Variants in STK3 observed in about 807,000 individuals in gnomAD.
The protein encoded by STK3 is serine/threonine-protein kinase 3.
In STK3, 41 loss-of-function variants were observed where a neutral mutation model predicts 58.0. The ratio of observed to expected loss-of-function variants is 0.71; its 90% CI spans 0.55 to 0.92. STK3 has a LOEUF of 0.92. Among genes scored for constraint, STK3 ranks in the 40% least tolerant of loss-of-function variants. The probability of loss-of-function intolerance (pLI) is 0.00; values close to 1 mark genes in which losing one functional copy is unlikely to be tolerated. For synonymous variants in STK3, 170 were observed against 191.0 expected (o/e 0.89, Z 0.91); for missense variants, 479 against 602.7 (o/e 0.79, Z 2.15).
At chr8:98,855,113 A>G (rs1836621552) in intron 3 of STK3, among the ~76,000 whole-genome samples, 1 of 152,228 alleles carries the variant, frequency 6.6e-6, no homozygotes, top group South Asian at 2.1e-4. Flanking sequence ...ACTGATCTAT[A>G]GATTCAATGC....
intron 3 of STK3, among the ~76,000 whole-genome samples, chr8:98,876,226 A>G (rs573303926): frequency 2.3e-4 from 35 of 152,314 alleles, no homozygotes; most frequent in Non-Finnish European, 3.8e-4. Context: ...TTAGGAACCT[A>G]GGGCTTGAGA....
At chr8:98,388,530 C>T (rs930462362), upstream of STK3, among the ~76,000 whole-genome samples, 2 of 152,186 alleles carry the variant, frequency 1.3e-5, no homozygotes, top group African/African-American at 4.8e-5. Context: ...GAACCTGAAT[C>T]TAATCAAGCC....
At chr8:98,448,765 GT>G (rs1465983314) in intron 1 of STK3, among the ~76,000 whole-genome samples, 1 of 152,140 alleles carries the variant, frequency 6.6e-6, no homozygotes, top group Non-Finnish European at 1.5e-5. Context: ...TCACTTTTCT[GT>G]TGAGGAAACA....
intron 1 of STK3, among the ~76,000 whole-genome samples, chr8:98,813,755 T>C (rs536854603): frequency 6.6e-6 from 1 of 152,280 alleles, no homozygotes; most frequent in African/African-American, 2.4e-5. Context: ...TGCAACATAC[T>C]CCCTATCCCT....
chr8:98,619,192 C>T (rs1174654140), intron 6 of STK3, among the ~76,000 whole-genome samples: 22 of 150,276 alleles, frequency 1.5e-4, no homozygotes, highest in Non-Finnish European at 2.8e-4. Flanking sequence ...TTTGACAAAC[C>T]TGAGAAAAAC....
chr8:98,695,384 C>A (rs1460378393), intron 6 of STK3, among the ~76,000 whole-genome samples: 1 of 152,112 alleles, frequency 6.6e-6, no homozygotes, highest in Non-Finnish European at 1.5e-5. Context: ...GCTTTTGTTG[C>A]CATTGCTTTT....
At chr8:98,937,312 ACCTGGCATG>A (rs1475167029) in intron 1 of STK3, among the ~76,000 whole-genome samples, 2 of 152,156 alleles carry the variant, frequency 1.3e-5, no homozygotes, top group African/African-American at 4.8e-5. Flanking sequence ...TGGAATTATC[ACCTGGCATG>A]AAGTGAAATA....
intron 10 of STK3, among the ~76,000 whole-genome samples, chr8:98,490,121 A>G (rs1822573465): frequency 6.6e-6 from 1 of 152,220 alleles, no homozygotes; most frequent in African/African-American, 2.4e-5. Context: ...ACTTGAGGCA[A>G]GTTTCCTTAG....
At chr8:98,577,735 G>GTT (rs1422232281) in intron 8 of STK3, among the ~76,000 whole-genome samples, 1 of 152,034 alleles carries the variant, frequency 6.6e-6, no homozygotes, top group Non-Finnish European at 1.5e-5. Flanking sequence ...AATGAATCAC[G>GTT]TAACTAAGAC....
At chr8:98,905,460 T>G (rs1838857527) in intron 1 of STK3, 1 of 1,279,034 alleles carries the variant, frequency 7.8e-7, no homozygotes, top group East Asian at 2.3e-5. Context: ...GCTCTTATTC[T>G]TGCTGGCTTC....
intron 1 of STK3, among the ~76,000 whole-genome samples, chr8:98,886,904 C>A (rs1454062501): frequency 6.6e-6 from 1 of 152,066 alleles, no homozygotes; most frequent in African/African-American, 2.4e-5. Context: ...TTGAGACCAG[C>A]CTGGCCAACA....
chr8:98,588,282 A>T (rs1319019752), intron 7 of STK3, among the ~76,000 whole-genome samples: 1 of 151,810 alleles, frequency 6.6e-6, no homozygotes, highest in East Asian at 1.9e-4. Flanking sequence ...GAGCTCTTTT[A>T]GGGCAGGCCT....
At chr8:98,917,149 A>G (rs1839374950) in intron 1 of STK3, among the ~76,000 whole-genome samples, 1 of 152,262 alleles carries the variant, frequency 6.6e-6, no homozygotes, top group Non-Finnish European at 1.5e-5. Context: ...CATCTAGGTC[A>G]TGGTAAGGAT....
chr8:98,870,919 T>C lies in STK3; in HGVS notation c.110+12728A>G, dbSNP rs145350343. Among the ~76,000 whole-genome samples, 19 of 152,348 alleles carry C rather than the reference T, an allele frequency of 1.2e-4. 1 individual carries two copies. Among genetic ancestry groups the C allele is most frequent in the African/African-American group, 3.8e-4 (16 of 41,592 alleles). On this transcript the variant is annotated intron_variant, in intron 3 of 12. Transcript: ENST00000523601. ...GTTTTAGTCACGAAGTCCTTGCCCA[T>C]GCCTATGGCCTGAATGGTATTGCCT...
At chr8:98,827,565 T>C (rs965811728), upstream of STK3, among the ~76,000 whole-genome samples, 1 of 152,234 alleles carries the variant, frequency 6.6e-6, no homozygotes, top group Admixed American at 6.5e-5. Flanking sequence ...AAACTTACAC[T>C]ATTTTCAAAC....
chr8:98,485,532 G>C (rs145647905), intron 10 of STK3, among the ~76,000 whole-genome samples: 9 of 152,284 alleles, frequency 5.9e-5, no homozygotes, highest in Non-Finnish European at 1.2e-4. Context: ...CACAGATAAA[G>C]AAATTAATTA....
chr8:98,808,060 A>C (rs1833994919), intron 1 of STK3, among the ~76,000 whole-genome samples: 2 of 152,244 alleles, frequency 1.3e-5, no homozygotes, highest in African/African-American at 4.8e-5. Context: ...GACATGTTCA[A>C]AGGTCAGATA....
intron 1 of STK3, among the ~76,000 whole-genome samples, chr8:98,922,884 A>G (rs1284495325): frequency 6.6e-6 from 1 of 152,262 alleles, no homozygotes; most frequent in Non-Finnish European, 1.5e-5. Context: ...TAAGAAAAGT[A>G]ACTTCCTCTA....
chr8:98,390,496 G>A (rs937583347), upstream of STK3, among the ~76,000 whole-genome samples: 1 of 152,162 alleles, frequency 6.6e-6, no homozygotes, highest in Non-Finnish European at 1.5e-5. Context: ...TGAAGTGGCT[G>A]GGTATGGATT....
Sources: allele counts gnomAD v4.1 joint callset (sites outside exome capture counted in the v4.1 genomes callset), GRCh38; gene constraint gnomAD v4.1.1; transcripts MANE v1.5; gene names NCBI Gene and HGNC (gene_info 2026-07-23, HGNC 2026-07-21).